FBXO46: variants seen among roughly 807,000 people sequenced by gnomAD.
The protein encoded by FBXO46 is F-box protein 46.
In FBXO46, 13 loss-of-function variants were observed where a neutral mutation model predicts 30.7. The ratio of observed to expected loss-of-function variants is 0.42; its 90% CI spans 0.28 to 0.67. The LOEUF is 0.67. Ranked by LOEUF, FBXO46 falls within the 30% of genes least tolerant of loss-of-function variation. The pLI is 0.21. For missense variants in FBXO46, 754 were observed against 871.5 expected (o/e 0.87, Z 1.70); for synonymous variants, 467 against 385.8 (o/e 1.21, Z -2.47).
chr19:45,713,043 C>T lies in FBXO46; in HGVS notation c.453G>A (p.Glu151=). ...TKAPPDPGGR[E]GPPAAEEGPA... Reference sequence around the variant, plus strand: ...GGCCCTCCTCAGCAGCAGGGGGGCCCTCCCGGCCCCCTGGGTCAGGAGGAG... The same window carrying T: ...GGCCCTCCTCAGCAGCAGGGGGGCCTTCCCGGCCCCCTGGGTCAGGAGGAG... The change falls in exon 2 of 2, where the codon GAG becomes GAA. Residue 151 remains glutamate, a synonymous_variant. Transcript: ENST00000317683. The surrounding 1 kb of genome is among the most constrained non-coding windows in gnomAD (Gnocchi z 4.7). 6.4e-7 allele frequency: 1 copy of T among 1,563,236 alleles called. No individual in the cohort carries two copies. The highest frequency in any genetic ancestry group is 1.2e-5 in the South Asian group (1 of 85,252).
intron 1 of FBXO46, among the ~76,000 whole-genome samples, 156 bp downstream of exon 1, chr19:45,730,692 AC>A (rs1968296717): frequency 6.7e-6 from 1 of 150,116 alleles, no homozygotes; most frequent in Non-Finnish European, 1.5e-5. Context: ...CCATTCTTCT[AC>A]TACTACCTCC....
Position 45,712,076 on chromosome 19 carries a change from G to C in FBXO46, c.1420C>G (p.Leu474Val), listed in dbSNP as rs757208473. ...ACCAGCACGTGCTCGGGCAGCAGCA[G>C]CATGTACTGTCGCGGCTCCAGCAGC... is the stretch of plus-strand genomic sequence containing the variant. ...QRLLEPRQYM[L>V]LLPEHVLVKI... The change falls in exon 2 of 2, where the codon CTG (leucine) becomes GTG (valine). Residue 474 changes from leucine to valine, a missense_variant. By Grantham distance (32) the Leu-to-Val change is conservative. Transcript: ENST00000317683. This position sits in a 1 kb window ranked among gnomAD's most constrained non-coding sequence, Gnocchi z 8.8. 4 of 1,609,148 alleles carry C rather than the reference G, an allele frequency of 2.5e-6. No individual in the cohort carries two copies. The African/African-American group carries it at 4.0e-5, about 16-fold the overall frequency.
In FBXO46 at chr19:45,713,248, C is replaced by T. The variant is rs762827807; in HGVS notation, c.248G>A (p.Arg83Gln). The T allele has an allele frequency of 1.8e-5, 29 of 1,613,828 alleles. No individual in the cohort carries two copies. The highest frequency in any genetic ancestry group is 2.3e-5 in the Non-Finnish European group (27 of 1,179,880). The change falls in exon 2 of 2, where the codon CGA (arginine) becomes CAA (glutamine). Residue 83 changes from arginine to glutamine, a missense_variant. Arg to Gln is a conservative substitution (Grantham distance 43). This residue lies in a region of FBXO46 where 97 missense variants were observed against 113.0 expected (regional missense o/e 0.86). Transcript: ENST00000317683. This position sits in a 1 kb window ranked among gnomAD's most constrained non-coding sequence, Gnocchi z 4.7. The stretch of plus-strand genomic sequence containing the variant: ...GACATACCACGTGTCCAGGAGGACT[C>T]GACCCTCATCACCAGCAGCTGCTGC... Reference protein sequence around the residue: ...LSAAAAGDEGRVLLDTWYVIK... With the variant: ...LSAAAAGDEGQVLLDTWYVIK...
chr19:45,726,468 C>T (rs963418118), intron 1 of FBXO46, among the ~76,000 whole-genome samples: 6 of 151,756 alleles, frequency 4.0e-5, no homozygotes, highest in African/African-American at 1.5e-4. Context: ...GCCAACACAA[C>T]GAAATCTCGT....
intron 1 of FBXO46, chr19:45,715,343 T>TA (rs1479761325): frequency 6.6e-6 from 1 of 152,180 alleles, no homozygotes; most frequent in African/African-American, 2.4e-5. Flanking sequence ...TCTTTGTAAA[T>TA]AAAGTTTTAT....
At chr19:45,723,784 C>T (rs1190053493) in intron 1 of FBXO46, among the ~76,000 whole-genome samples, 3 of 152,050 alleles carry the variant, frequency 2.0e-5, no homozygotes, top group Non-Finnish European at 4.4e-5. Context: ...TTCAGCCTCC[C>T]GAGTAGCTGG....
In FBXO46 at chr19:45,712,988, G is replaced by A. The variant is rs746588517; in HGVS notation, c.508C>T (p.Leu170Phe). Reference protein sequence around the residue: ...PASAGEDVDLLSVAEMVALVE... With the variant: ...PASAGEDVDLFSVAEMVALVE... ...AGGGCCACCATCTCGGCCACAGAGAGCAGGTCCACGTCCTCACCGGCTGAG... is the reference window on the plus strand; with the variant it reads ...AGGGCCACCATCTCGGCCACAGAGAACAGGTCCACGTCCTCACCGGCTGAG... The change falls in exon 2 of 2, where the codon CTC becomes TTC. Residue 170 changes from leucine (L) to phenylalanine (F), a missense_variant. Leu to Phe is a conservative substitution (Grantham distance 22). This residue lies in a region of FBXO46 where 454 missense variants were observed against 426.5 expected (regional missense o/e 1.06). Coordinates refer to ENST00000317683, the MANE Select transcript of FBXO46 (RefSeq NM_001080469.2). This position sits in a 1 kb window ranked among gnomAD's most constrained non-coding sequence, Gnocchi z 8.8. The A allele has an allele frequency of 6.4e-7, 1 of 1,573,708 alleles. No individual in the cohort carries two copies. Among genetic ancestry groups the A allele is most frequent in the Non-Finnish European group, 8.6e-7 (1 of 1,159,570 alleles).
upstream of FBXO46, chr19:45,730,901 C>T (rs925307415): frequency 2.0e-5 from 3 of 152,372 alleles, no homozygotes; most frequent in Admixed American, 1.3e-4. Flanking sequence ...CCACTCGCTC[C>T]TCTCCAGCCT....
At position 45,711,496 on chromosome 19, in the gene FBXO46, T is replaced by A. The variant is rs1967963126; in HGVS notation, c.*188A>T. ...GGTCCACGGCCCTGGTTCTGAAGAG[T>A]AGAAAATCAACAGGATCAAGCAGAG... On this transcript the variant is annotated 3_prime_UTR_variant, in exon 2 of 2. Coordinates refer to ENST00000317683, the MANE Select transcript of FBXO46 (RefSeq NM_001080469.2). 3 of 693,760 alleles carry A rather than the reference T, an allele frequency of 4.3e-6. No individual in the cohort carries two copies. Among genetic ancestry groups the A allele is most frequent in the Non-Finnish European group, 7.8e-6 (3 of 383,632 alleles). The allele number at this position is 693,760 out of a possible 1,614,324, so 43.0% of individuals were successfully genotyped here. A position where few individuals can be genotyped will look rare whatever the true frequency, so the allele number is the denominator to read the frequency against.
chr19:45,732,588 C>CTTTT (rs750349502), upstream of FBXO46, among the ~76,000 whole-genome samples: 110 of 86,942 alleles, frequency 1.3e-3, 2 homozygotes, highest in African/African-American at 4.5e-3. Flanking sequence ...CTTTTTTTTC[C>CTTTT]TTTTTTTTTT....
chr19:45,717,286 G>T (rs1568547156), intron 1 of FBXO46: 2 of 152,050 alleles, frequency 1.3e-5, no homozygotes, highest in Non-Finnish European at 2.9e-5. Flanking sequence ...CCAGGCGGCG[G>T]GAGAAGGCTG....
Position 45,713,743 on chromosome 19 carries a change from A to G in FBXO46, c.-78-170T>C, listed in dbSNP as rs569674063. On this transcript the variant is annotated intron_variant, in intron 1 of 1. Transcript: ENST00000317683. This position sits in a 1 kb window ranked among gnomAD's most constrained non-coding sequence, Gnocchi z 4.7. ...AGCACTTTGGGAGGCTGAGGTGGGC[A>G]GATCACCTGAGGTCAGGAGTTTGAG... 9.2e-5 allele frequency among the ~76,000 whole-genome samples: 14 copies of G among 152,124 alleles called. No homozygotes were observed. In the South Asian group the frequency reaches 1.5e-3, roughly 16 times the overall value.
chr19:45,713,550 G>T lies in FBXO46; in HGVS notation c.-55C>A. On this transcript the variant is annotated 5_prime_UTR_variant, in exon 2 of 2. Coordinates refer to ENST00000317683, the MANE Select transcript of FBXO46 (RefSeq NM_001080469.2). The surrounding 1 kb of genome is among the most constrained non-coding windows in gnomAD (Gnocchi z 4.7). Reference sequence around the variant, plus strand: ...TTCAGCGCATCTCAGGACCTAGGTGGTGGTGGGAGGCTCCACATGCCACCT... The same window carrying T: ...TTCAGCGCATCTCAGGACCTAGGTGTTGGTGGGAGGCTCCACATGCCACCT... 1 of 1,422,410 alleles carries T rather than the reference G, an allele frequency of 7.0e-7. No homozygotes were observed. The highest frequency in any genetic ancestry group is 9.5e-7 in the Non-Finnish European group (1 of 1,057,476). The allele number at this position is 1,422,410 out of a possible 1,614,324, so 88.1% of individuals were successfully genotyped here. A position where few individuals can be genotyped will look rare whatever the true frequency, so the allele number is the denominator to read the frequency against.
chr19:45,712,521 G>T lies in FBXO46; in HGVS notation c.975C>A (p.Phe325Leu). Reference sequence around the variant, plus strand: ...TGGCCTCATCCGCCCTGGCCAGCAGGAACTCCACGTTGCTGGGGAGGGCAT... The same window carrying T: ...TGGCCTCATCCGCCCTGGCCAGCAGTAACTCCACGTTGCTGGGGAGGGCAT... ...SRDALPSNVE[F>L]LLARADEASE... Residue 325 changes from phenylalanine (F) to leucine (L), a missense_variant, in exon 2 of 2, where the codon TTC becomes TTA. Coordinates refer to ENST00000317683, the MANE Select transcript of FBXO46 (RefSeq NM_001080469.2). This position sits in a 1 kb window ranked among gnomAD's most constrained non-coding sequence, Gnocchi z 8.8. 1 of 1,602,474 alleles carries T rather than the reference G, an allele frequency of 6.2e-7. No individual in the cohort carries two copies. Among genetic ancestry groups the T allele is most frequent in the Non-Finnish European group, 8.5e-7 (1 of 1,173,638 alleles).
intron 1 of FBXO46, among the ~76,000 whole-genome samples, chr19:45,724,751 T>A (rs1968216447): frequency 6.6e-6 from 1 of 151,984 alleles, no homozygotes; most frequent in Admixed American, 6.6e-5. Context: ...CCTCCTGGGG[T>A]TCAAGTGATT....
chr19:45,725,999 G>T (rs2146161294), intron 1 of FBXO46, among the ~76,000 whole-genome samples: 1 of 152,212 alleles, frequency 6.6e-6, no homozygotes, highest in Admixed American at 6.5e-5. Flanking sequence ...AACCTCCAGA[G>T]GTGCTGGGAC....
At chr19:45,719,561 G>A (rs1473136449) in intron 1 of FBXO46, among the ~76,000 whole-genome samples, 1 of 152,112 alleles carries the variant, frequency 6.6e-6, no homozygotes, top group Non-Finnish European at 1.5e-5. Flanking sequence ...AAGACTGCTT[G>A]GGAAAATTAG....
At chr19:45,726,439 G>A (rs1968241166) in intron 1 of FBXO46, among the ~76,000 whole-genome samples, 2 of 152,070 alleles carry the variant, frequency 1.3e-5, no homozygotes, top group South Asian at 4.1e-4. Context: ...CTTGAGGCCA[G>A]GAGTTTGGCA....
chr19:45,712,019 G>A lies in FBXO46; in HGVS notation c.1477C>T (p.Leu493=), dbSNP rs1477344872. 30 of 1,612,404 alleles carry A rather than the reference G, an allele frequency of 1.9e-5. No individual in the cohort carries two copies. Among genetic ancestry groups the A allele is most frequent in the Non-Finnish European group, 2.5e-5 (30 of 1,179,636 alleles). Residue 493 remains leucine, a synonymous_variant, in exon 2 of 2, where the codon CTG becomes TTG. Coordinates refer to ENST00000317683, the MANE Select transcript of FBXO46 (RefSeq NM_001080469.2). This position sits in a 1 kb window ranked among gnomAD's most constrained non-coding sequence, Gnocchi z 8.8. Reference sequence around the variant, plus strand: ...TGGCAGGTGCACTTGAGGGCGGCCAGCGCGCGCGTGGGCAGGAAGCTGAAG... The same window carrying A: ...TGGCAGGTGCACTTGAGGGCGGCCAACGCGCGCGTGGGCAGGAAGCTGAAG... ...KIFSFLPTRA[L]AALKCTCHHF...
Sources: gnomAD v4.1 joint callset for allele counts (sites outside exome capture counted in the v4.1 genomes callset) on GRCh38, gnomAD v4.1.1 for gene constraint, gnomAD v4.1.1 regional missense constraint, Gnocchi (gnomAD v3.1) non-coding constraint, MANE v1.5 for transcripts, NCBI Gene and HGNC (gene_info 2026-07-23, HGNC 2026-07-21) for gene names.